The following UCP1 variants were observed in gnomAD, a reference collection of about 807,000 sequenced individuals.
UCP1 encodes the protein mitochondrial brown fat uncoupling protein 1.
A neutral mutation model predicts 26.2 loss-of-function variants in UCP1; 24 were observed. The ratio of observed to expected loss-of-function variants is 0.92; its 90% CI spans 0.66 to 1.29. The LOEUF (loss-of-function observed/expected upper bound fraction) is 1.29. Among genes scored for constraint, UCP1 ranks in the 50% most tolerant of loss-of-function variants. The pLI is 0.00. For missense variants in UCP1, 402 were observed against 388.7 expected, an observed-to-expected ratio of 1.03 and a Z score of -0.29; for synonymous variants, 164 against 156.8, an observed-to-expected ratio of 1.05 and a Z score of -0.34.
chr4:140,567,827 T>G lies in UCP1; in HGVS notation c.277A>C (p.Ile93Leu), dbSNP rs937654005. 4 of 1,614,138 alleles carry G rather than the reference T, an allele frequency of 2.5e-6. No homozygotes were observed. Among genetic ancestry groups the G allele is most frequent in the Non-Finnish European group, 3.4e-6 (4 of 1,180,028 alleles). ...TCCTGGACCGTGTCGTAGAGGCCGA[T>G]CCTGAGAGAGGCGGAGCTGATTTGC... ...QRQISSASLR[I>L]GLYDTVQEFL... Residue 93 changes from isoleucine (I) to leucine (L), a missense_variant, in exon 2 of 6, where the codon ATC becomes CTC. By Grantham distance (5) the Ile-to-Leu change is conservative (BLOSUM62 2). Transcript: ENST00000262999.
chr4:140,559,801 T>G lies in UCP1; in HGVS notation c.*95A>C. The G allele has an allele frequency of 8.3e-7, 1 of 1,210,624 alleles. No individual in the cohort carries two copies. The highest frequency in any genetic ancestry group is 2.4e-5 in the East Asian group (1 of 40,864). 75.0% of individuals were successfully genotyped at this position (1,210,624 alleles called of 1,614,324 possible). A position where few individuals can be genotyped will look rare whatever the true frequency, so the allele number is the denominator to read the frequency against. On this transcript the variant is annotated 3_prime_UTR_variant, in exon 6 of 6. Coordinates refer to ENST00000262999, the MANE Select transcript of UCP1 (RefSeq NM_021833.5). ...AATTCTCTGCCAAAATTCCTTTATC[T>G]TTTTAGGTTAAAATAAGTGAATAAG...
Position 140,563,201 on chromosome 4 carries a change from G to A in UCP1, c.537C>T (p.Pro179=). The change falls in exon 4 of 6, where the codon CCC becomes CCT. Residue 179 remains proline (P), a synonymous_variant. Coordinates refer to ENST00000262999, the MANE Select transcript of UCP1 (RefSeq NM_021833.5). The stretch of plus-strand genomic sequence containing the variant: ...TGATGATGACACTTCTCATCAGATT[G>A]GGAGTAGTCCCTGGGGAAAAAAAAA... ...GLTGLWKGTT[P]NLMRSVIINC... 1 of 1,613,046 alleles carries A rather than the reference G, an allele frequency of 6.2e-7. No homozygotes were observed. The highest frequency in any genetic ancestry group is 8.5e-7 in the Non-Finnish European group (1 of 1,179,664).
intron 5 of UCP1, among the ~76,000 whole-genome samples, chr4:140,560,404 C>G (rs913690987): frequency 6.6e-6 from 1 of 152,162 alleles, no homozygotes; most frequent in Non-Finnish European, 1.5e-5. Flanking sequence ...CCACAAATAT[C>G]CTTCACTCCC....
chr4:140,563,774 A>G (rs1735740531), intron 2 of UCP1, among the ~76,000 whole-genome samples: 1 of 151,900 alleles, frequency 6.6e-6, no homozygotes, highest in Admixed American at 6.6e-5. Context: ...CAGCCTGCTA[A>G]GTTTTGTATT....
chr4:140,567,884 GT>G lies in UCP1; in HGVS notation c.219del (p.Lys73AsnfsTer41), dbSNP rs778813994. 6.2e-7 allele frequency: 1 copy of G among 1,614,042 alleles called. No homozygotes were observed. Among genetic ancestry groups the G allele is most frequent in the African/African-American group, 1.3e-5 (1 of 74,898 alleles). On this transcript the variant is annotated frameshift_variant, in exon 2 of 6. Coordinates refer to ENST00000262999, the MANE Select transcript of UCP1 (RefSeq NM_021833.5). LOFTEE classifies it high-confidence loss of function. Reference protein sequence around the residue: ...TAVVKTEGRMKLYSGLPAGLQ... With the variant: ...TAVVKTEGRMXLYSGLPAGLQ... Reference sequence around the variant, plus strand: ...AGCCCCGCAGGCAGCCCGCTGTAGAGTTTCATCCGCCCTTCTGTTTTTACCA... The same window carrying G: ...AGCCCCGCAGGCAGCCCGCTGTAGAGTTCATCCGCCCTTCTGTTTTTACCA...
At chr4:140,560,736 G>T (rs1466036852) in intron 5 of UCP1, among the ~76,000 whole-genome samples, 1 of 136,268 alleles carries the variant, frequency 7.3e-6, no homozygotes, top group African/African-American at 3.1e-5. Flanking sequence ...CCCAATGTGG[G>T]GTATTTTGCT....
At position 140,563,175 on chromosome 4, in the gene UCP1, TTGA is replaced by T. The variant is rs527369932; in HGVS notation, c.560_562del (p.Ile187del). 3.6e-5 allele frequency: 58 copies of T among 1,613,676 alleles called. No homozygotes were observed. In the African/African-American group the frequency reaches 6.1e-4, roughly 17 times the overall value. On this transcript the variant is annotated inframe_deletion, in exon 4 of 6. Coordinates refer to ENST00000262999, the MANE Select transcript of UCP1 (RefSeq NM_021833.5). ...ATCATATGTTACTAGCTCTGTACAA[TTGA>T]TGATGACACTTCTCATCAGATTGGG...
At chr4:140,568,014 A>C in intron 1 of UCP1, 37 bp from the exon 2 acceptor site, 1 of 1,610,290 alleles carries the variant, frequency 6.2e-7, no homozygotes, top group Non-Finnish European at 8.5e-7. Context: ...AAGGGAGCGA[A>C]ATTGAGTTCA....
intron 2 of UCP1, 53 bp downstream of exon 2, chr4:140,567,726 A>G: frequency 2.5e-6 from 4 of 1,608,442 alleles, no homozygotes; most frequent in Non-Finnish European, 3.4e-6. Flanking sequence ...ACTTTTTGGA[A>G]CAGAGCGGAG....
intron 5 of UCP1, among the ~76,000 whole-genome samples, chr4:140,560,579 A>G (rs571666957): frequency 1.3e-5 from 2 of 152,180 alleles, no homozygotes; most frequent in African/African-American, 4.8e-5. Flanking sequence ...GAGTAGAGTC[A>G]AGAAATCAGT....
Position 140,562,227 on chromosome 4 carries a change from A to G in UCP1, c.775T>C (p.Phe259Leu), listed in dbSNP as rs1735691779. The change falls in exon 5 of 6, where the codon TTC becomes CTC. Residue 259 changes from phenylalanine to leucine, a missense_variant. By Grantham distance (22) the Phe-to-Leu change is conservative (BLOSUM62 0). Transcript: ENST00000262999. The part of the protein sequence containing the change: ...KSVPNCAMKV[F>L]TNEGPTAFFK... ...AAAGCCGTTGGTCCTTCGTTAGTGA[A>G]CACTTTCATTGCACAGTTGGGCACA... 6.2e-7 allele frequency: 1 copy of G among 1,614,174 alleles called. No individual in the cohort carries two copies. Among genetic ancestry groups the G allele is most frequent in the African/African-American group, 1.3e-5 (1 of 75,046 alleles).
In UCP1 at chr4:140,559,783, T is replaced by C; in HGVS notation, c.*113A>G. 9.7e-7 allele frequency: 1 copy of C among 1,034,906 alleles called. No homozygotes were observed. Among genetic ancestry groups the C allele is most frequent in the East Asian group, 2.6e-5 (1 of 38,708 alleles). 64.1% of individuals were successfully genotyped at this position (1,034,906 alleles called of 1,614,324 possible). On this transcript the variant is annotated 3_prime_UTR_variant, in exon 6 of 6. Coordinates refer to ENST00000262999, the MANE Select transcript of UCP1 (RefSeq NM_021833.5). ...TTATATAAAAAAGTCCAAAATTCTC[T>C]GCCAAAATTCCTTTATCTTTTTAGG...
chr4:140,562,271 G>A lies in UCP1; in HGVS notation c.731C>T (p.Pro244Leu). The part of the protein sequence containing the change: ...DVVKTRFINS[P>L]PGQYKSVPNC... ...GGGCACACTTTTGTACTGTCCTGGT[G>A]GAGAATTAATAAATCTGGTTTTTAC... The change falls in exon 5 of 6, where the codon CCA becomes CTA. Residue 244 changes from proline to leucine, a missense_variant. Coordinates refer to ENST00000262999, the MANE Select transcript of UCP1 (RefSeq NM_021833.5). The A allele has an allele frequency of 6.2e-7, 1 of 1,614,120 alleles. No homozygotes were observed. The highest frequency in any genetic ancestry group is 8.5e-7 in the Non-Finnish European group (1 of 1,180,006).
intron 2 of UCP1, among the ~76,000 whole-genome samples, chr4:140,566,958 C>G (rs1015209163): frequency 6.6e-6 from 1 of 152,196 alleles, no homozygotes; most frequent in Non-Finnish European, 1.5e-5. Context: ...GCTCTGCCCC[C>G]TCCCAGCTGT....
rs1735853753 is a variant in UCP1, at chr4:140,568,454, C to T, written c.126+150G>A. The T allele has an allele frequency of 3.0e-6, 4 of 1,337,700 alleles. No homozygotes were observed. The South Asian group carries it at 3.8e-5, about 13-fold the overall frequency. 82.9% of individuals were successfully genotyped at this position (1,337,700 alleles called of 1,614,324 possible). A position where few individuals can be genotyped will look rare whatever the true frequency, so the allele number is the denominator to read the frequency against. On this transcript the variant is annotated intron_variant, in intron 1 of 5. Transcript: ENST00000262999. ...AAAGTTCCAGTTTCCCATCCTAAAG[C>T]ACCAGCCCTGGGACAAGGCCAGACT...
intron 5 of UCP1, among the ~76,000 whole-genome samples, chr4:140,561,895 T>G: frequency 6.6e-6 from 1 of 152,190 alleles, no homozygotes; most frequent in Non-Finnish European, 1.5e-5. Flanking sequence ...ACTTTATAAC[T>G]TTCTTGCCCA....
intron 2 of UCP1, among the ~76,000 whole-genome samples, chr4:140,567,546 GC>G (rs1190068846): frequency 5.9e-5 from 9 of 152,192 alleles, no homozygotes; most frequent in African/African-American, 1.9e-4. Flanking sequence ...TCCAAACTGG[GC>G]ACAAAACTTC....
chr4:140,561,254 C>A (rs1210806003), intron 5 of UCP1, among the ~76,000 whole-genome samples: 1 of 152,074 alleles, frequency 6.6e-6, no homozygotes, highest in African/African-American at 2.4e-5. Flanking sequence ...GAGGAATGGC[C>A]TTACAATTTA....
chr4:140,560,080 C>T, intron 5 of UCP1, 70 bp from the exon 6 acceptor site: 2 of 1,290,370 alleles, frequency 1.5e-6, no homozygotes, highest in East Asian at 4.9e-5. Context: ...TGAGATGAGG[C>T]TTCACCCTGC....
Sources: gnomAD v4.1 joint callset for allele counts (sites outside exome capture counted in the v4.1 genomes callset) on GRCh38, gnomAD v4.1.1 for gene constraint, MANE v1.5 for transcripts, NCBI Gene and HGNC (gene_info 2026-07-23, HGNC 2026-07-21) for gene names.